Variants in USP47 observed in about 807,000 individuals in gnomAD.
USP47 encodes ubiquitin carboxyl-terminal hydrolase 47.
USP47 carries 35 observed loss-of-function variants against 165.1 expected under a neutral mutation model. That is an observed-to-expected ratio of 0.21 (90% confidence interval 0.16 to 0.28). The LOEUF is 0.28. USP47 is among the 10% of genes least tolerant of loss of function. The probability of loss-of-function intolerance (pLI) is 1.00; values close to 1 mark genes in which losing one functional copy is unlikely to be tolerated. For synonymous variants in USP47, 531 were observed against 544.5 expected (o/e 0.98, Z 0.35); for missense variants, 1,277 against 1,607.4 (o/e 0.79, Z 3.52).
intron 16 of USP47, 54 bp from the exon 17 acceptor site, chr11:11,936,249 T>C: frequency 1.1e-6 from 1 of 884,962 alleles, no homozygotes. Context: ...TATGTATATA[T>C]ATAAATATAT....
chr11:11,958,860 A>C lies in USP47; in HGVS notation c.*2685A>C, dbSNP rs1847332970. The C allele has an allele frequency of 6.6e-6, 1 of 152,076 alleles. No homozygotes were observed. Among genetic ancestry groups the C allele is most frequent in the Non-Finnish European group, 1.5e-5 (1 of 67,956 alleles). 9.4% of individuals were successfully genotyped at this position (152,076 alleles called of 1,614,324 possible). A position where few individuals can be genotyped will look rare whatever the true frequency, so the allele number is the denominator to read the frequency against. On this transcript the variant is annotated 3_prime_UTR_variant, in exon 28 of 28. Transcript: ENST00000527733. ...GTGTGTGAAGCAGCCTTCACACTAG[A>C]GTGTTTGGTCATCTCTTATAATGTA...
chr11:11,956,529 C>G lies in USP47; in HGVS notation c.*354C>G, dbSNP rs1007023597. ...AGCCGCTAGTAAAACTAGCCTCAAA[C>G]AGGATGCTCATAGCTTAATAATAAA... On this transcript the variant is annotated 3_prime_UTR_variant, in exon 28 of 28. Transcript: ENST00000527733. 1.7e-5 allele frequency: 3 copies of G among 176,504 alleles called. No homozygotes were observed. Among genetic ancestry groups the G allele is most frequent in the African/African-American group, 7.1e-5 (3 of 41,982 alleles). The allele number at this position is 176,504 out of a possible 1,614,324, so 10.9% of individuals were successfully genotyped here.
chr11:11,951,730 A>G (rs1856239625), intron 24 of USP47: 2 of 152,184 alleles, frequency 1.3e-5, no homozygotes, highest in Admixed American at 6.5e-5. Flanking sequence ...ATAAATTTAA[A>G]TGGTTGAAAT....
At chr11:11,871,285 T>C (rs1296526604) in intron 1 of USP47, among the ~76,000 whole-genome samples, 2 of 151,640 alleles carry the variant, frequency 1.3e-5, no homozygotes, top group Admixed American at 6.6e-5. Flanking sequence ...GGATAGGTCA[T>C]GAGGTCAAGA....
intron 8 of USP47, among the ~76,000 whole-genome samples, chr11:11,917,964 A>T (rs1853550063): frequency 6.6e-6 from 1 of 152,152 alleles, no homozygotes; most frequent in African/African-American, 2.4e-5. Flanking sequence ...AGGGTGGAAG[A>T]TTTGGTAAGG....
At chr11:11,912,391 G>T (rs1206309411) in intron 8 of USP47, among the ~76,000 whole-genome samples, 6 of 152,062 alleles carry the variant, frequency 3.9e-5, no homozygotes, top group Non-Finnish European at 8.8e-5. Context: ...TATAGATCTT[G>T]CAGATATCAA....
chr11:11,914,677 GA>G (rs1216514642), intron 8 of USP47, among the ~76,000 whole-genome samples: 3 of 152,130 alleles, frequency 2.0e-5, no homozygotes, highest in Non-Finnish European at 4.4e-5. Context: ...CATCAGTTTA[GA>G]AAAATTCATC....
At chr11:11,947,860 A>C in intron 20 of USP47, 85 bp from the exon 21 acceptor site, 1 of 1,415,370 alleles carries the variant, frequency 7.1e-7, no homozygotes, top group Non-Finnish European at 9.5e-7. Flanking sequence ...ATACAGTGTA[A>C]TAAAAAGTAT....
Position 11,960,690 on chromosome 11 carries a change from G to A in USP47, c.*4515G>A, listed in dbSNP as rs992157377. ...CCTCCCTTGGTCATCTTTATACAGG[G>A]CAATTGTGCTGCTGCTGCTGAGGTG... On this transcript the variant is annotated 3_prime_UTR_variant, in exon 28 of 28. Transcript: ENST00000527733. 1.3e-5 allele frequency among the ~76,000 whole-genome samples: 2 copies of A among 152,288 alleles called. No homozygotes were observed. Among genetic ancestry groups the A allele is most frequent in the Admixed American group, 1.3e-4 (2 of 15,296 alleles).
intron 15 of USP47, 94 bp downstream of exon 15, chr11:11,933,210 GAC>G: frequency 1.0e-6 from 1 of 970,178 alleles, no homozygotes. Flanking sequence ...TTGATTCTGA[GAC>G]AATTATGCTA....
chr11:11,891,088 A>G (rs989359838), intron 3 of USP47, among the ~76,000 whole-genome samples: 1 of 152,180 alleles, frequency 6.6e-6, no homozygotes, highest in Admixed American at 6.5e-5. Context: ...GCAGCAAACA[A>G]CCATGGCACA....
intron 1 of USP47, among the ~76,000 whole-genome samples, chr11:11,868,427 A>G (rs968705017): frequency 6.6e-6 from 1 of 152,156 alleles, no homozygotes; most frequent in East Asian, 1.9e-4. Context: ...AAAATTTAGT[A>G]TAATTTTCTG....
chr11:11,938,217 A>T, intron 17 of USP47, 40 bp from the exon 18 acceptor site: 1 of 1,565,844 alleles, frequency 6.4e-7, no homozygotes, highest in South Asian at 1.1e-5. Context: ...ACATTAAAAA[A>T]TAACCTCCAA....
At position 11,958,017 on chromosome 11, in the gene USP47, T is replaced by C. The variant is rs1847283673; in HGVS notation, c.*1842T>C. 6.6e-6 allele frequency: 1 copy of C among 152,234 alleles called. No homozygotes were observed. Among genetic ancestry groups the C allele is most frequent in the African/African-American group, 2.4e-5 (1 of 41,456 alleles). 9.4% of individuals were successfully genotyped at this position (152,234 alleles called of 1,614,324 possible). On this transcript the variant is annotated 3_prime_UTR_variant, in exon 28 of 28. Transcript: ENST00000527733. ...TGTGATGAATTGTCTTTCAGATCAC[T>C]TAGATTTTCTGATGTAAGAGGACAG... is the stretch of plus-strand genomic sequence containing the variant.
At chr11:11,881,733 T>G (rs1156825973) in intron 2 of USP47, among the ~76,000 whole-genome samples, 2 of 152,130 alleles carry the variant, frequency 1.3e-5, no homozygotes, top group Non-Finnish European at 2.9e-5. Flanking sequence ...AATAAACAAT[T>G]GCAATTATTA....
intron 1 of USP47, among the ~76,000 whole-genome samples, chr11:11,845,190 C>G (rs1445603984): frequency 6.6e-6 from 1 of 152,106 alleles, no homozygotes; most frequent in Non-Finnish European, 1.5e-5. Context: ...AATTACTTAG[C>G]TTGGTATTCA....
chr11:11,884,598 C>T lies in USP47; in HGVS notation c.357+18C>T, dbSNP rs529739075. 4.2e-4 allele frequency: 662 copies of T among 1,565,616 alleles called. 2 individuals carry two copies. Among genetic ancestry groups the T allele is most frequent in the South Asian group, 8.2e-4 (69 of 84,540 alleles). On this transcript the variant is annotated intron_variant, in intron 3 of 27. Transcript: ENST00000527733. Reference sequence around the variant, plus strand: ...TACTGCTGGTAAGCTACTTAGAAAGCCCCATATTTATAATTTTTGTGCACT... The same window carrying T: ...TACTGCTGGTAAGCTACTTAGAAAGTCCCATATTTATAATTTTTGTGCACT...
chr11:11,853,333 G>A (rs1848832173), intron 1 of USP47, among the ~76,000 whole-genome samples: 1 of 152,150 alleles, frequency 6.6e-6, no homozygotes, highest in African/African-American at 2.4e-5. Context: ...TGTGTAGGTG[G>A]CATGATATGC....
intron 18 of USP47, among the ~76,000 whole-genome samples, chr11:11,939,644 TA>T (rs554205103): frequency 9.2e-5 from 14 of 151,658 alleles, no homozygotes; most frequent in South Asian, 2.1e-4. Flanking sequence ...ATGACAAATG[TA>T]AAAAAAATTA....
Sources: allele counts gnomAD v4.1 joint callset (sites outside exome capture counted in the v4.1 genomes callset), GRCh38; gene constraint gnomAD v4.1.1; transcripts MANE v1.5; gene names NCBI Gene and HGNC (gene_info 2026-07-23, HGNC 2026-07-21).